The following MMD variants were observed in gnomAD, a reference collection of about 807,000 sequenced individuals.
MMD encodes the protein monocyte to macrophage differentiation factor.
In MMD, 22 loss-of-function variants were observed where a neutral mutation model predicts 33.6. The observed-to-expected ratio is 0.66, with a 90% CI of 0.47 to 0.94. MMD has a LOEUF of 0.94. Ranked by LOEUF, MMD falls within the 40% of genes least tolerant of loss-of-function variation. The pLI, the probability that MMD is intolerant of heterozygous loss-of-function variation, is 0.00. For missense variants in MMD, 242 were observed against 309.8 expected (o/e 0.78, Z 1.64); for synonymous variants, 97 against 103.2 (o/e 0.94, Z 0.36).
At chr17:55,411,958 T>A (rs1907782644) in intron 2 of MMD, among the ~76,000 whole-genome samples, 2 of 152,222 alleles carry the variant, frequency 1.3e-5, no homozygotes, top group East Asian at 3.9e-4. Context: ...ACACCTGTAG[T>A]CCCAGCTATT....
At chr17:55,408,077 G>C (rs569304988) in intron 3 of MMD, among the ~76,000 whole-genome samples, 1 of 152,320 alleles carries the variant, frequency 6.6e-6, no homozygotes, top group South Asian at 2.1e-4. Flanking sequence ...CCCCATGATA[G>C]TTAGAAAGCC....
chr17:55,414,747 C>T (rs1039328363), intron 1 of MMD, among the ~76,000 whole-genome samples: 5 of 152,074 alleles, frequency 3.3e-5, no homozygotes, highest in Admixed American at 1.3e-4. Context: ...CCCTACATCC[C>T]ATGATTAACA....
chr17:55,394,223 TAA>T lies in MMD; in HGVS notation c.*109_*110del. ...TCACAGTAATTATATTCAAAAGATA[TAA>T]AGTCAGTGCAGTTATTTTTTTTCTT... On this transcript the variant is annotated 3_prime_UTR_variant, in exon 7 of 7. Coordinates refer to ENST00000262065, the MANE Select transcript of MMD (RefSeq NM_012329.3). The T allele has an allele frequency of 2.5e-6, 2 of 789,240 alleles. No individual in the cohort carries two copies. The highest frequency in any genetic ancestry group is 6.0e-5 in the East Asian group (2 of 33,328). 48.9% of individuals were successfully genotyped at this position (789,240 alleles called of 1,614,324 possible).
intron 1 of MMD, among the ~76,000 whole-genome samples, chr17:55,416,378 T>A (rs1403088185): frequency 1.3e-5 from 2 of 152,134 alleles, no homozygotes; most frequent in Non-Finnish European, 2.9e-5. Context: ...CTGGAATAAT[T>A]CACATTAAAA....
intron 4 of MMD, 57 bp from the exon 5 acceptor site, chr17:55,403,925 G>A: frequency 7.5e-7 from 1 of 1,340,774 alleles, no homozygotes; most frequent in Non-Finnish European, 1.1e-6. Flanking sequence ...GGAATTCATA[G>A]AACCTGTGTC....
intron 1 of MMD, 38 bp downstream of exon 1, chr17:55,421,632 T>A: frequency 6.3e-7 from 1 of 1,598,314 alleles, no homozygotes; most frequent in Non-Finnish European, 8.5e-7. Context: ...AACCCGCTTC[T>A]GACACGGGCA....
chr17:55,409,221 A>G (rs1202275427), intron 3 of MMD, among the ~76,000 whole-genome samples: 1 of 152,230 alleles, frequency 6.6e-6, no homozygotes, highest in Non-Finnish European at 1.5e-5. Context: ...ACTTGACTGC[A>G]TATCATCCCC....
chr17:55,407,854 A>G, intron 3 of MMD, 34 bp from the exon 4 acceptor site: 2 of 1,491,756 alleles, frequency 1.3e-6, no homozygotes, highest in African/African-American at 1.4e-5. Context: ...AATTTGTCAG[A>G]AAGTGTTCAG....
At chr17:55,402,820 T>A (rs1398714313) in intron 5 of MMD, among the ~76,000 whole-genome samples, 1 of 152,198 alleles carries the variant, frequency 6.6e-6, no homozygotes, top group African/African-American at 2.4e-5. Flanking sequence ...CATTGCTAAT[T>A]ATGGTCAAAA....
intron 6 of MMD, among the ~76,000 whole-genome samples, chr17:55,398,831 C>G (rs932314871): frequency 3.3e-5 from 5 of 152,176 alleles, no homozygotes; most frequent in Non-Finnish European, 7.3e-5. Flanking sequence ...CATCTCTGAA[C>G]TCTGCTTGGT....
In MMD at chr17:55,418,612, C is replaced by T. The variant is rs113621604; in HGVS notation, c.26+3058G>A. Among the ~76,000 whole-genome samples the T allele has an allele frequency of 5.2e-3, 792 of 152,340 alleles. 10 individuals carry two copies. Among genetic ancestry groups the T allele is most frequent in the African/African-American group, 0.016 (682 of 41,562 alleles). On this transcript the variant is annotated intron_variant, in intron 1 of 6. Transcript: ENST00000262065. ...ATAAGTGGACCCCTCTTACTATTAG[C>T]TCCCCTTTATGACTGAGCATATTTG...
intron 1 of MMD, among the ~76,000 whole-genome samples, chr17:55,415,711 G>T (rs1025538271): frequency 2.0e-5 from 3 of 152,192 alleles, no homozygotes; most frequent in East Asian, 1.9e-4. Context: ...ATCCACTGGG[G>T]AATGAATTTG....
chr17:55,404,528 C>T (rs1907469109), intron 4 of MMD: 1 of 985,340 alleles, frequency 1.0e-6, no homozygotes, highest in Non-Finnish European at 1.2e-6. Context: ...AGATTACTTA[C>T]AAACCTTAAT....
In MMD at chr17:55,411,241, A is replaced by C. The variant is rs762074422; in HGVS notation, c.269+16T>G. The C allele has an allele frequency of 3.7e-6, 6 of 1,606,442 alleles. No homozygotes were observed. The Admixed American group carries it at 1.0e-4, about 27-fold the overall frequency. ...AACTATTTGGATCTGTTGAAACAGC[A>C]TGTCATCCACTGTACCTTAAGTGGC... On this transcript the variant is annotated intron_variant, in intron 3 of 6. Coordinates refer to ENST00000262065, the MANE Select transcript of MMD (RefSeq NM_012329.3).
chr17:55,407,674 G>A, intron 4 of MMD, 72 bp downstream of exon 4: 2 of 1,393,966 alleles, frequency 1.4e-6, no homozygotes. Context: ...ACAAGAGGGA[G>A]AAAGGAAAGG....
intron 4 of MMD, among the ~76,000 whole-genome samples, chr17:55,405,789 T>C (rs1011570282): frequency 5.3e-5 from 8 of 152,260 alleles, no homozygotes; most frequent in East Asian, 3.8e-4. Context: ...TTTTGAATCA[T>C]TGATGCTGCA....
At chr17:55,398,548 T>C (rs1443036746) in intron 6 of MMD, among the ~76,000 whole-genome samples, 1 of 151,636 alleles carries the variant, frequency 6.6e-6, no homozygotes, top group African/African-American at 2.4e-5. Context: ...TTATTATTTA[T>C]TTTATTACAT....
intron 5 of MMD, 34 bp from the exon 6 acceptor site, chr17:55,401,572 T>A: frequency 6.6e-7 from 1 of 1,520,200 alleles, no homozygotes; most frequent in South Asian, 1.2e-5. Flanking sequence ...ATTTAACTTA[T>A]AAATTTCTAT....
At chr17:55,410,969 G>A (rs1314963512) in intron 3 of MMD, among the ~76,000 whole-genome samples, 1 of 152,146 alleles carries the variant, frequency 6.6e-6, no homozygotes, top group Admixed American at 6.5e-5. Context: ...TGATAGTACT[G>A]GAAAATAGCT....
Sources: allele counts gnomAD v4.1 joint callset (sites outside exome capture counted in the v4.1 genomes callset), GRCh38; gene constraint gnomAD v4.1.1; transcripts MANE v1.5; gene names NCBI Gene and HGNC (gene_info 2026-07-23, HGNC 2026-07-21).